AGBL3: variants seen among roughly 807,000 people sequenced by gnomAD.
AGBL3 encodes the protein cytosolic carboxypeptidase 3.
AGBL3 carries 68 observed loss-of-function variants against 94.5 expected under a neutral mutation model. That is an observed-to-expected ratio of 0.72 (90% CI 0.59 to 0.88). The LOEUF (loss-of-function observed/expected upper bound fraction) is 0.88, where lower values mean the gene tolerates loss of function less well. AGBL3 is among the 40% of genes least tolerant of loss of function. AGBL3 has a pLI of 0.00. For missense variants in AGBL3, 934 were observed against 1,103.8 expected, an observed-to-expected ratio of 0.85 and a Z score of 2.18; for synonymous variants, 354 against 370.7, an observed-to-expected ratio of 0.95 and a Z score of 0.52.
At chr7:135,039,689 C>A (rs112097572) in intron 8 of AGBL3, among the ~76,000 whole-genome samples, 1 of 151,814 alleles carries the variant, frequency 6.6e-6, no homozygotes, top group African/African-American at 2.4e-5. Context: ...GAGCCAAGGT[C>A]GTACCACTGT....
At chr7:135,050,299 T>C (rs1281648762) in intron 11 of AGBL3, among the ~76,000 whole-genome samples, 1 of 151,956 alleles carries the variant, frequency 6.6e-6, no homozygotes, top group Non-Finnish European at 1.5e-5. Flanking sequence ...TTTTGTGGCC[T>C]AACATGTGAT....
At position 135,077,647 on chromosome 7, in the gene AGBL3, C is replaced by T. The variant is rs141591782; in HGVS notation, c.1980+1179C>T. Among the ~76,000 whole-genome samples the T allele has an allele frequency of 2.1e-3, 320 of 152,254 alleles. 1 individual carries two copies. Among genetic ancestry groups the T allele is most frequent in the African/African-American group, 7.0e-3 (292 of 41,544 alleles). ...GAAGTTATCTTACCAGCAGCAAATC[C>T]GTACAGGTCTGCAGCAACATCAATT... On this transcript the variant is annotated intron_variant, in intron 13 of 16. Transcript: ENST00000436302.
rs560669502 is a variant in AGBL3 at position 135,034,079 on chromosome 7, C to T, written c.558-70C>T. On this transcript the variant is annotated intron_variant, in intron 6 of 16. Transcript: ENST00000436302. ...TTTCCTTATTTAACTCAAAATTTTACATTGGTTTTTTACAAAATGTCATTT... is the reference window on the plus strand; with the variant it reads ...TTTCCTTATTTAACTCAAAATTTTATATTGGTTTTTTACAAAATGTCATTT... The T allele has an allele frequency of 9.5e-6, 12 of 1,267,276 alleles. No homozygotes were observed. In the East Asian group the frequency reaches 3.1e-4, roughly 33 times the overall value. 78.5% of individuals were successfully genotyped at this position (1,267,276 alleles called of 1,614,324 possible).
intron 15 of AGBL3, among the ~76,000 whole-genome samples, chr7:135,110,974 A>C (rs1374057443): frequency 6.6e-6 from 1 of 152,236 alleles, no homozygotes; most frequent in Non-Finnish European, 1.5e-5. Flanking sequence ...TGCATAATTT[A>C]TATATACATA....
chr7:135,063,982 T>C (rs1008244628), intron 12 of AGBL3, among the ~76,000 whole-genome samples: 2 of 152,200 alleles, frequency 1.3e-5, no homozygotes, highest in Admixed American at 1.3e-4. Flanking sequence ...TTTCTTCACC[T>C]AGACCAGCAG....
chr7:135,090,406 G>A (rs1047039066), intron 15 of AGBL3, among the ~76,000 whole-genome samples: 2 of 152,120 alleles, frequency 1.3e-5, no homozygotes, highest in East Asian at 1.9e-4. Flanking sequence ...CTGTAGGGTG[G>A]GGCATCTCAG....
chr7:135,130,704 T>C (rs1161090862), intron 16 of AGBL3, among the ~76,000 whole-genome samples: 1 of 152,202 alleles, frequency 6.6e-6, no homozygotes, highest in East Asian at 1.9e-4. Context: ...AGTGACAGTA[T>C]AACCTGTCTA....
At chr7:135,085,834 A>G (rs6964403) in intron 15 of AGBL3, among the ~76,000 whole-genome samples, 73,634 of 151,836 alleles carry the variant, frequency 0.48, 18,210 homozygotes, top group South Asian at 0.66. Flanking sequence ...GGGGTCTTCC[A>G]TGGTTCTGCA....
At chr7:135,009,121 G>C (rs1194411476) in intron 4 of AGBL3, among the ~76,000 whole-genome samples, 1 of 152,164 alleles carries the variant, frequency 6.6e-6, no homozygotes, top group Non-Finnish European at 1.5e-5. Context: ...AGTTCCACTT[G>C]TAGGTATGTA....
intron 12 of AGBL3, among the ~76,000 whole-genome samples, chr7:135,073,572 A>C (rs1333777365): frequency 6.6e-6 from 1 of 152,292 alleles, no homozygotes; most frequent in East Asian, 1.9e-4. Context: ...TCAGACACCA[A>C]GTTAAAGAAG....
chr7:135,028,506 T>C lies in AGBL3; in HGVS notation c.419-4338T>C, dbSNP rs142990219. Among the ~76,000 whole-genome samples, 1,209 of 152,346 alleles carry C rather than the reference T, an allele frequency of 7.9e-3. 11 individuals carry two copies. The highest frequency in any genetic ancestry group is 0.021 in the Middle Eastern group (6 of 292). On this transcript the variant is annotated intron_variant, in intron 5 of 16. Transcript: ENST00000436302. ...TCTTTATCCAATTCAAGTTTTATTA[T>C]GGGATGGAAGCAATTCAGTCACATC...
chr7:135,051,948 A>C, intron 11 of AGBL3, among the ~76,000 whole-genome samples: 1 of 152,082 alleles, frequency 6.6e-6, no homozygotes, highest in East Asian at 1.9e-4. Context: ...CCAGTCTGAC[A>C]GTTAAGTGTC....
chr7:135,048,363 G>C (rs1399786828), intron 11 of AGBL3, among the ~76,000 whole-genome samples: 1 of 151,820 alleles, frequency 6.6e-6, no homozygotes, highest in Non-Finnish European at 1.5e-5. Context: ...ATGAATCACA[G>C]AACTCTTTTT....
At position 135,057,736 on chromosome 7, in the gene AGBL3, T is replaced by A. The variant is rs552431354; in HGVS notation, c.1842-1433T>A. On this transcript the variant is annotated intron_variant, in intron 11 of 16. Transcript: ENST00000436302. ...TGGAAGCAACCAAAATGTCCTTCAA[T>A]AGGTGAATGGATAAAGAAACATATG... 2.2e-3 allele frequency among the ~76,000 whole-genome samples: 331 copies of A among 152,314 alleles called. 5 individuals carry two copies. Among genetic ancestry groups the A allele is most frequent in the Non-Finnish European group, 1.6e-3 (107 of 68,018 alleles).
intron 13 of AGBL3, among the ~76,000 whole-genome samples, chr7:135,079,196 T>G (rs1820714109): frequency 6.6e-6 from 1 of 152,128 alleles, no homozygotes; most frequent in Non-Finnish European, 1.5e-5. Context: ...ATGACAAGAG[T>G]TTATCAAATC....
chr7:135,057,241 G>A (rs769277083), intron 11 of AGBL3, among the ~76,000 whole-genome samples: 113 of 152,092 alleles, frequency 7.4e-4, no homozygotes, highest in Non-Finnish European at 1.2e-3. Flanking sequence ...CACCTTTCAC[G>A]AAAATTAACT....
At chr7:135,079,202 A>G (rs867502664) in intron 13 of AGBL3, among the ~76,000 whole-genome samples, 3 of 152,238 alleles carry the variant, frequency 2.0e-5, no homozygotes, top group African/African-American at 7.2e-5. Context: ...AGAGTTTATC[A>G]AATCAAGTCT....
At chr7:135,045,283 G>A (rs910832662) in intron 9 of AGBL3, among the ~76,000 whole-genome samples, 191 bp from the exon 10 acceptor site, 8 of 151,956 alleles carry the variant, frequency 5.3e-5, no homozygotes, top group Non-Finnish European at 1.2e-4. Flanking sequence ...TGTTAAATCA[G>A]CTTTGGTCCA....
At chr7:135,008,248 A>G (rs1812648111) in intron 4 of AGBL3, among the ~76,000 whole-genome samples, 1 of 152,170 alleles carries the variant, frequency 6.6e-6, no homozygotes, top group African/African-American at 2.4e-5. Context: ...TACTACAAAT[A>G]GTAATTTAGA....
Sources: allele counts gnomAD v4.1 joint callset (sites outside exome capture counted in the v4.1 genomes callset), GRCh38; gene constraint gnomAD v4.1.1; transcripts MANE v1.5; gene names NCBI Gene and HGNC (gene_info 2026-07-23, HGNC 2026-07-21).